Variants in PPFIA2 observed in about 807,000 individuals in gnomAD.
PPFIA2 encodes the protein PPFI scaffold protein A2.
PPFIA2 carries 46 observed loss-of-function variants against 175.5 expected under a neutral mutation model. The ratio of observed to expected loss-of-function variants is 0.26; its 90% confidence interval spans 0.21 to 0.34. PPFIA2 has a LOEUF of 0.34. Ranked by LOEUF, PPFIA2 falls within the 10% of genes least tolerant of loss-of-function variation. PPFIA2 has a pLI of 1.00. For missense variants in PPFIA2, 1,179 were observed against 1,506.1 expected, an observed-to-expected ratio of 0.78 and a Z score of 3.60; for synonymous variants, 568 against 511.4, an observed-to-expected ratio of 1.11 and a Z score of -1.49.
intron 7 of PPFIA2, among the ~76,000 whole-genome samples, chr12:81,409,843 G>T (rs2043594783): frequency 6.6e-6 from 1 of 151,904 alleles, no homozygotes; most frequent in Non-Finnish European, 1.5e-5. Flanking sequence ...CTGCTAAGGG[G>T]GTATGATTCA....
intron 22 of PPFIA2, among the ~76,000 whole-genome samples, chr12:81,306,314 C>T (rs1409117144): frequency 6.6e-6 from 1 of 152,048 alleles, no homozygotes; most frequent in Non-Finnish European, 1.5e-5. Context: ...GATTCCTTTG[C>T]CTGTCCTTTT....
At chr12:81,445,223 G>GGGGGA (rs2051029106) in intron 6 of PPFIA2, among the ~76,000 whole-genome samples, 3 of 62,768 alleles carry the variant, frequency 4.8e-5, no homozygotes, top group Non-Finnish European at 2.8e-5. Flanking sequence ...GGGGGAGGGG[G>GGGGGA]GAGAGAGAGA....
rs558221201 is a variant in PPFIA2, at chr12:81,630,080, G to A, written c.303+46711C>T. On this transcript the variant is annotated intron_variant, in intron 4 of 32. Transcript: ENST00000549396. ...GTGGCTGAAGGGACCATAAACCAAG[G>A]AATGCAGGGAGACTCTTGCAGTTGG... is the stretch of plus-strand genomic sequence containing the variant. 3.9e-5 allele frequency among the ~76,000 whole-genome samples: 6 copies of A among 152,272 alleles called. No individual in the cohort carries two copies. The South Asian group carries it at 1.2e-3, about 32-fold the overall frequency.
intron 4 of PPFIA2, among the ~76,000 whole-genome samples, chr12:81,625,420 A>C (rs1464844070): frequency 3.3e-5 from 5 of 151,936 alleles, no homozygotes; most frequent in Non-Finnish European, 7.4e-5. Context: ...TTTTCACAAG[A>C]CAAAAATCAA....
intron 4 of PPFIA2, among the ~76,000 whole-genome samples, chr12:81,669,665 A>G (rs1381215334): frequency 2.0e-5 from 3 of 152,112 alleles, no homozygotes; most frequent in African/African-American, 7.2e-5. Context: ...GGCACAAAGA[A>G]GGAAAAATGA....
Position 81,284,255 on chromosome 12 carries a change from C to A in PPFIA2, c.2974G>T (p.Ala992Ser), listed in dbSNP as rs1424047742. Residue 992 changes from alanine to serine, a missense_variant, in exon 25 of 33, where the codon GCT (alanine) becomes TCT (serine). Physicochemically the swap from Ala to Ser is moderately conservative, Grantham distance 99. Transcript: ENST00000549396. ...VTHEEMENLA[A>S]PAKTKESEEG... ...TTAAGACTAACCGTTTTTGCTGGAGCTGCAAGATTTTCCATTTCTTCATGA... is the reference window on the plus strand; with the variant it reads ...TTAAGACTAACCGTTTTTGCTGGAGATGCAAGATTTTCCATTTCTTCATGA... 4 of 1,594,056 alleles carry A rather than the reference C, an allele frequency of 2.5e-6. No homozygotes were observed. The highest frequency in any genetic ancestry group is 3.4e-6 in the Non-Finnish European group (4 of 1,164,908).
At chr12:81,758,648 G>GA (rs1301754136) in intron 1 of PPFIA2, 141 bp from the exon 2 acceptor site, 2 of 335,142 alleles carry the variant, frequency 6.0e-6, no homozygotes, top group Non-Finnish European at 6.0e-6. Flanking sequence ...GCGTCCATCG[G>GA]AAAAATGGCA....
At chr12:81,279,527 T>C (rs2041539894) in intron 27 of PPFIA2, among the ~76,000 whole-genome samples, 1 of 152,264 alleles carries the variant, frequency 6.6e-6, no homozygotes, top group Non-Finnish European at 1.5e-5. Context: ...ATTATGAAAA[T>C]GTCTGTCAGA....
chr12:81,297,255 C>T (rs1180509362), intron 23 of PPFIA2, among the ~76,000 whole-genome samples: 1 of 152,202 alleles, frequency 6.6e-6, no homozygotes, highest in Non-Finnish European at 1.5e-5. Context: ...GAGGCCATCA[C>T]AAAGCTATTC....
intron 4 of PPFIA2, among the ~76,000 whole-genome samples, chr12:81,653,477 T>C (rs1344230034): frequency 6.6e-6 from 1 of 152,052 alleles, no homozygotes; most frequent in Non-Finnish European, 1.5e-5. Context: ...GAGGATCTCT[T>C]CCATGCCTCC....
At chr12:81,272,734 C>T (rs2039471130) in intron 28 of PPFIA2, among the ~76,000 whole-genome samples, 2 of 151,990 alleles carry the variant, frequency 1.3e-5, no homozygotes, top group South Asian at 4.1e-4. Context: ...TGAAAAATTG[C>T]AGAGGCTCTG....
chr12:81,693,833 G>A (rs2075564692), intron 3 of PPFIA2, among the ~76,000 whole-genome samples: 1 of 152,104 alleles, frequency 6.6e-6, no homozygotes, highest in African/African-American at 2.4e-5. Context: ...ATGGAAATGA[G>A]GAACTTACAG....
intron 3 of PPFIA2, among the ~76,000 whole-genome samples, chr12:81,691,644 C>T (rs907062411): frequency 1.3e-5 from 2 of 152,070 alleles, no homozygotes; most frequent in African/African-American, 4.8e-5. Context: ...TTAAGTTAGT[C>T]ATTCTTTTAT....
At chr12:81,629,925 A>T (rs2063168768) in intron 4 of PPFIA2, among the ~76,000 whole-genome samples, 1 of 152,202 alleles carries the variant, frequency 6.6e-6, no homozygotes, top group South Asian at 2.1e-4. Flanking sequence ...TGATTAAGTT[A>T]ATGATCTTGA....
Position 81,358,229 on chromosome 12 carries a change from G to C in PPFIA2, c.1638-12C>G. The C allele has an allele frequency of 6.4e-7, 1 of 1,557,586 alleles. No individual in the cohort carries two copies. The highest frequency in any genetic ancestry group is 8.7e-7 in the Non-Finnish European group (1 of 1,151,774). On this transcript the variant is annotated splice_polypyrimidine_tract_variant and intron_variant, in intron 15 of 32. Coordinates refer to ENST00000549396, the MANE Select transcript of PPFIA2 (RefSeq NM_003625.5). Reference sequence around the variant, plus strand: ...TGTCTAGATGAGTTCTGGAAAAAAGGAAAAATATAAAATAATCCAATCTCA... The same window carrying C: ...TGTCTAGATGAGTTCTGGAAAAAAGCAAAAATATAAAATAATCCAATCTCA...
chr12:81,673,335 C>A (rs554133544), intron 4 of PPFIA2, among the ~76,000 whole-genome samples: 2 of 152,212 alleles, frequency 1.3e-5, no homozygotes, highest in East Asian at 3.9e-4. Context: ...GCCATAGGTA[C>A]CAGACATGGA....
At chr12:81,398,351 T>C (rs954722516) in intron 8 of PPFIA2, among the ~76,000 whole-genome samples, 1 of 152,116 alleles carries the variant, frequency 6.6e-6, no homozygotes, top group Non-Finnish European at 1.5e-5. Context: ...TCATGCTCAG[T>C]CTAATAAACT....
chr12:81,416,570 A>C (rs571500590), intron 7 of PPFIA2, among the ~76,000 whole-genome samples: 1 of 151,818 alleles, frequency 6.6e-6, no homozygotes, highest in South Asian at 2.1e-4. Flanking sequence ...CAAAAAGGGA[A>C]ATAGGTGTCT....
chr12:81,280,343 A>G (rs1329744875), intron 27 of PPFIA2, among the ~76,000 whole-genome samples: 1 of 152,184 alleles, frequency 6.6e-6, no homozygotes, highest in Non-Finnish European at 1.5e-5. Flanking sequence ...TTAATTCAAC[A>G]GTGTCAACAA....
Sources: gnomAD v4.1 joint callset for allele counts (sites outside exome capture counted in the v4.1 genomes callset) on GRCh38, gnomAD v4.1.1 for gene constraint, MANE v1.5 for transcripts, NCBI Gene and HGNC (gene_info 2026-07-23, HGNC 2026-07-21) for gene names.